Variants in SERPINI1 observed in about 807,000 individuals in gnomAD.
SERPINI1 encodes the protein serpin family I member 1.
A neutral mutation model predicts 41.1 loss-of-function variants in SERPINI1; 19 were observed. That is an observed-to-expected ratio of 0.46 (90% CI 0.32 to 0.68). The LOEUF (loss-of-function observed/expected upper bound fraction) is 0.68, where lower values mean the gene tolerates loss of function less well. Among genes scored for constraint, SERPINI1 ranks in the 30% least tolerant of loss-of-function variants. SERPINI1 has a pLI of 0.03. For synonymous variants in SERPINI1, 138 were observed against 156.6 expected (o/e 0.88, Z 0.89); for missense variants, 460 against 479.2 (o/e 0.96, Z 0.37).
At chr3:167,771,170 A>T (rs749133325) in intron 1 of SERPINI1, among the ~76,000 whole-genome samples, 2 of 152,200 alleles carry the variant, frequency 1.3e-5, no homozygotes, top group Non-Finnish European at 2.9e-5. Flanking sequence ...TTAACTTCTC[A>T]GAATTTATCC....
At chr3:167,739,259 T>C (rs1451517730) in intron 1 of SERPINI1, among the ~76,000 whole-genome samples, 1 of 152,156 alleles carries the variant, frequency 6.6e-6, no homozygotes, top group Non-Finnish European at 1.5e-5. Context: ...TTATGTCATA[T>C]TCAGCATAAA....
At chr3:167,744,565 C>T (rs1725782541) in intron 1 of SERPINI1, among the ~76,000 whole-genome samples, 2 of 143,836 alleles carry the variant, frequency 1.4e-5, no homozygotes, top group South Asian at 4.3e-4. Flanking sequence ...TAATGCTACA[C>T]TTTAAAATAT....
chr3:167,807,260 G>A lies in SERPINI1; in HGVS notation c.898G>A (p.Glu300Lys), dbSNP rs1711680491. 6.2e-7 allele frequency: 1 copy of A among 1,612,262 alleles called. No individual in the cohort carries two copies. The highest frequency in any genetic ancestry group is 8.5e-7 in the Non-Finnish European group (1 of 1,178,698). The change falls in exon 6 of 9, where the codon GAA becomes AAA. Residue 300 changes from glutamate to lysine, a missense_variant. Physicochemically the swap from Glu to Lys is moderately conservative, Grantham distance 56. Coordinates refer to ENST00000446050, the MANE Select transcript of SERPINI1 (RefSeq NM_001122752.2). ...VYLPRFTVEQEIDLKDVLKAL... is the reference protein window; with the variant it reads ...VYLPRFTVEQKIDLKDVLKAL... Reference sequence around the variant, plus strand: ...GTTCTCCAGGTTCACAGTGGAACAGGAAATTGATTTAAAAGATGTTTTGAA... The same window carrying A: ...GTTCTCCAGGTTCACAGTGGAACAGAAAATTGATTTAAAAGATGTTTTGAA...
chr3:167,790,308 C>A, intron 2 of SERPINI1, 64 bp from the exon 3 acceptor site: 6 of 1,232,010 alleles, frequency 4.9e-6, no homozygotes, highest in Non-Finnish European at 7.2e-6. Context: ...TAATGCTCCT[C>A]CACTCTCCTT....
At chr3:167,755,987 G>A (rs1726181231) in intron 1 of SERPINI1, among the ~76,000 whole-genome samples, 1 of 152,020 alleles carries the variant, frequency 6.6e-6, no homozygotes, top group Admixed American at 6.6e-5. Context: ...CACATTAAAT[G>A]ACAAAGGCTT....
In SERPINI1 at chr3:167,797,746, T is replaced by TG. The variant is rs1461584823; in HGVS notation, c.881+2922_881+2923insG. On this transcript the variant is annotated intron_variant, in intron 5 of 8. Coordinates refer to ENST00000446050, the MANE Select transcript of SERPINI1 (RefSeq NM_001122752.2). ...TAATGAATACCTACCAAGCGTTTTT[T>TG]TTTTATGTATGATAATTGACATTTA... Among the ~76,000 whole-genome samples, 9 of 151,852 alleles carry TG rather than the reference T, an allele frequency of 5.9e-5. No homozygotes were observed. The East Asian group carries it at 1.7e-3, about 29-fold the overall frequency.
At chr3:167,754,843 T>C (rs895484709) in intron 1 of SERPINI1, among the ~76,000 whole-genome samples, 2 of 152,194 alleles carry the variant, frequency 1.3e-5, no homozygotes, top group Non-Finnish European at 2.9e-5. Flanking sequence ...GTTCAAGCTA[T>C]TTTTGTCCAT....
chr3:167,804,608 A>G (rs1711564478), intron 5 of SERPINI1, among the ~76,000 whole-genome samples: 1 of 152,134 alleles, frequency 6.6e-6, no homozygotes, highest in African/African-American at 2.4e-5. Context: ...CAAGGCAGGA[A>G]GATTGCTTTA....
intron 1 of SERPINI1, among the ~76,000 whole-genome samples, chr3:167,760,723 C>T (rs1289124237): frequency 4.6e-5 from 7 of 152,136 alleles, no homozygotes; most frequent in Admixed American, 3.9e-4. Flanking sequence ...ATTACCTGAA[C>T]TTGTCCTTTC....
At chr3:167,762,587 C>T (rs974796616) in intron 1 of SERPINI1, among the ~76,000 whole-genome samples, 1 of 152,134 alleles carries the variant, frequency 6.6e-6, no homozygotes, top group Admixed American at 6.5e-5. Flanking sequence ...CAGACTCATT[C>T]CTCAGCATTT....
intron 1 of SERPINI1, among the ~76,000 whole-genome samples, chr3:167,767,196 A>C (rs757381900): frequency 1.3e-5 from 2 of 152,228 alleles, no homozygotes; most frequent in African/African-American, 2.4e-5. Flanking sequence ...GGATAATCTT[A>C]GGGCACTTAA....
intron 4 of SERPINI1, 66 bp from the exon 5 acceptor site, chr3:167,794,554 A>T: frequency 7.4e-7 from 1 of 1,355,426 alleles, no homozygotes; most frequent in Non-Finnish European, 1.0e-6. Flanking sequence ...GTAGTCTTTC[A>T]TCTCTCGCCC....
chr3:167,747,623 G>A (rs9842429), intron 1 of SERPINI1, among the ~76,000 whole-genome samples: 36,149 of 152,088 alleles, frequency 0.24, 4,530 homozygotes, highest in Non-Finnish European at 0.27. Flanking sequence ...CAGCCTGGGC[G>A]ACAGAGCGAG....
intron 6 of SERPINI1, among the ~76,000 whole-genome samples, chr3:167,809,246 T>G (rs1711777546): frequency 6.6e-6 from 1 of 152,202 alleles, no homozygotes; most frequent in Admixed American, 6.5e-5. Context: ...AATTTAACAT[T>G]GTCATTCTCT....
chr3:167,796,823 C>T (rs1372894533), intron 5 of SERPINI1, among the ~76,000 whole-genome samples: 1 of 152,048 alleles, frequency 6.6e-6, no homozygotes, highest in Non-Finnish European at 1.5e-5. Flanking sequence ...CTGCAATGAA[C>T]ATATGTGTGC....
chr3:167,739,735 A>C (rs1725608577), intron 1 of SERPINI1, among the ~76,000 whole-genome samples: 1 of 148,724 alleles, frequency 6.7e-6, no homozygotes, highest in African/African-American at 2.5e-5. Context: ...TATTTCTTCC[A>C]AAAAAAAAAT....
intron 6 of SERPINI1, among the ~76,000 whole-genome samples, chr3:167,815,717 A>G (rs1224181926): frequency 4.6e-5 from 7 of 152,050 alleles, no homozygotes; most frequent in Non-Finnish European, 1.0e-4. Context: ...TCTTCTACTT[A>G]TGTATCCAAT....
chr3:167,760,485 G>T lies in SERPINI1; in HGVS notation c.-19+24662G>T, dbSNP rs1726340754. Among the ~76,000 whole-genome samples, 3 of 151,932 alleles carry T rather than the reference G, an allele frequency of 2.0e-5. No individual in the cohort carries two copies. The South Asian group carries it at 6.2e-4, about 32-fold the overall frequency. ...CAATCCTCTGATACTATGTCTCTGGGTTGAACATGCAGCCTCAGCTTTAAT... is the reference window on the plus strand; with the variant it reads ...CAATCCTCTGATACTATGTCTCTGGTTTGAACATGCAGCCTCAGCTTTAAT... On this transcript the variant is annotated intron_variant, in intron 1 of 8. Transcript: ENST00000446050.
intron 1 of SERPINI1, among the ~76,000 whole-genome samples, chr3:167,766,683 T>C (rs911238922): frequency 1.3e-5 from 2 of 152,214 alleles, no homozygotes; most frequent in East Asian, 3.8e-4. Flanking sequence ...ACATGGATGA[T>C]AGAAGGTTAA....
Sources: gnomAD v4.1 joint callset for allele counts (sites outside exome capture counted in the v4.1 genomes callset) on GRCh38, gnomAD v4.1.1 for gene constraint, MANE v1.5 for transcripts, NCBI Gene and HGNC (gene_info 2026-07-23, HGNC 2026-07-21) for gene names.